POU2AF3: variants seen among roughly 807,000 people sequenced by gnomAD.
POU2AF3 encodes cancer susceptibility candidate 13.
chr11:111,306,615 C>T, the POU2AF3 span: 1 of 1,551,260 alleles, frequency 6.4e-7, no homozygotes, highest in Non-Finnish European at 8.7e-7. Flanking sequence ...CTGCTTTAAC[C>T]AGAGCCTGGT....
chr11:111,299,775 A>G, the POU2AF3 span: 2 of 1,191,016 alleles, frequency 1.7e-6, no homozygotes, highest in Non-Finnish European at 2.1e-6. Flanking sequence ...CGAAGGAGGG[A>G]GGAGGGCAAG....
chr11:111,300,210 C>T, the POU2AF3 span: 383 of 324,784 alleles, frequency 1.2e-3, no homozygotes, highest in African/African-American at 7.7e-3. Context: ...TGGTGGGCTC[C>T]GCTGCACTGG....
At chr11:111,298,685 C>T in the POU2AF3 span, 4,210 of 1,178,472 alleles carry the variant, frequency 3.6e-3, 14 homozygotes, top group Admixed American at 4.8e-3. Flanking sequence ...AACAGAGAGG[C>T]ACAAAGTCAA....
the POU2AF3 span, chr11:111,298,826 G>GCGGGCGGC: frequency 1.3e-6 from 1 of 790,962 alleles, no homozygotes; most frequent in Non-Finnish European, 1.7e-6. Flanking sequence ...CGTACCCCAG[G>GCGGGCGGC]CCCCCGCCCG....
chr11:111,304,373 T>C, the POU2AF3 span, among the ~76,000 whole-genome samples: 1 of 152,218 alleles, frequency 6.6e-6, no homozygotes, highest in Non-Finnish European at 1.5e-5. Flanking sequence ...AGCCTTTTGC[T>C]GCATTTTCTC....
At chr11:111,307,455 G>A in the POU2AF3 span, among the ~76,000 whole-genome samples, 10 of 152,248 alleles carry the variant, frequency 6.6e-5, no homozygotes, top group East Asian at 1.3e-3. Flanking sequence ...ACATTGTCAC[G>A]GGGAAAATAT....
chr11:111,298,827 C>CCGGCCG, the POU2AF3 span: 2 of 631,568 alleles, frequency 3.2e-6, no homozygotes, highest in Non-Finnish European at 4.5e-6. Context: ...GTACCCCAGG[C>CCGGCCG]CCCCGCCCGC....
At chr11:111,304,444 A>G in the POU2AF3 span, among the ~76,000 whole-genome samples, 122 of 152,314 alleles carry the variant, frequency 8.0e-4, no homozygotes, top group East Asian at 0.019. Context: ...AAAATTAATC[A>G]CTTTTAAAAT....
chr11:111,302,832 A>G, the POU2AF3 span, among the ~76,000 whole-genome samples: 4 of 152,216 alleles, frequency 2.6e-5, no homozygotes, highest in African/African-American at 4.8e-5. Context: ...TGGATCTGGG[A>G]TTCTAAAGAA....
the POU2AF3 span, among the ~76,000 whole-genome samples, chr11:111,306,775 T>C: frequency 2.2e-3 from 331 of 152,276 alleles, 2 homozygotes; most frequent in African/African-American, 7.6e-3. Flanking sequence ...TAAAAGTCAA[T>C]GTATAGAAGT....
chr11:111,301,472 G>A, the POU2AF3 span, among the ~76,000 whole-genome samples: 1 of 151,330 alleles, frequency 6.6e-6, no homozygotes, highest in East Asian at 2.0e-4. Context: ...CAGCCCATTG[G>A]CATCTGCCCC....
chr11:111,302,598 T>C, the POU2AF3 span, among the ~76,000 whole-genome samples: 1 of 152,080 alleles, frequency 6.6e-6, no homozygotes, highest in East Asian at 1.9e-4. Flanking sequence ...CAGTTTCTGT[T>C]CCCCGGAGTA....
the POU2AF3 span, chr11:111,299,522 T>A: frequency 8.6e-7 from 1 of 1,166,710 alleles, no homozygotes; most frequent in Non-Finnish European, 1.1e-6. Context: ...GAACCCCTCT[T>A]GAGCGCGCCC....
chr11:111,300,244 A>C, the POU2AF3 span: 1 of 314,454 alleles, frequency 3.2e-6, no homozygotes, highest in East Asian at 5.1e-5. Flanking sequence ...GAGCAGAAAA[A>C]CCCGTTTGCT....
At chr11:111,299,789 G>C in the POU2AF3 span, 3 of 1,156,270 alleles carry the variant, frequency 2.6e-6, no homozygotes, top group Middle Eastern at 3.2e-4. Context: ...GGGCAAGATG[G>C]AGCGCGGAAA....
At chr11:111,299,499 G>A in the POU2AF3 span, 4 of 1,137,628 alleles carry the variant, frequency 3.5e-6, no homozygotes, top group East Asian at 4.3e-5. Context: ...AGCGCTCAGG[G>A]GTCCCTCCCA....
chr11:111,299,363 C>G, the POU2AF3 span: 1 of 992,632 alleles, frequency 1.0e-6, no homozygotes, highest in African/African-American at 1.7e-5. Flanking sequence ...AGGGCCGGAG[C>G]CGCCCCGGAC....
the POU2AF3 span, chr11:111,299,133 G>C: frequency 7.2e-4 from 689 of 955,964 alleles, no homozygotes; most frequent in Non-Finnish European, 8.4e-4. Flanking sequence ...GTCCGGGCTA[G>C]GAAGAGCGCA....
At chr11:111,299,493 C>G in the POU2AF3 span, 1 of 1,127,420 alleles carries the variant, frequency 8.9e-7, no homozygotes, top group Non-Finnish European at 1.1e-6. Context: ...GCTCCCAGCG[C>G]TCAGGGGTCC....
Sources: gnomAD v4.1 joint callset for allele counts (sites outside exome capture counted in the v4.1 genomes callset) on GRCh38, gnomAD v4.1.1 for gene constraint, MANE v1.5 for transcripts, NCBI Gene and HGNC (gene_info 2026-07-23, HGNC 2026-07-21) for gene names.